TOMM20: variants seen among roughly 807,000 people sequenced by gnomAD.
TOMM20 encodes the protein mitochondrial import receptor subunit TOM20 homolog.
TOMM20 carries 10 observed loss-of-function variants against 22.1 expected under a neutral mutation model. The observed-to-expected ratio is 0.45, with a 90% CI of 0.28 to 0.77. TOMM20 has a LOEUF of 0.77. Among genes scored for constraint, TOMM20 ranks in the 30% least tolerant of loss-of-function variants. TOMM20 has a pLI of 0.13. For synonymous variants in TOMM20, 55 were observed against 61.4 expected (o/e 0.90, Z 0.49); for missense variants, 121 against 172.2 (o/e 0.70, Z 1.66).
At position 235,128,447 on chromosome 1, in the gene TOMM20, G is replaced by A. The variant is rs574736794; in HGVS notation, c.121+148C>T. On this transcript the variant is annotated intron_variant, in intron 1 of 4. Coordinates refer to ENST00000366607, the MANE Select transcript of TOMM20 (RefSeq NM_014765.3). ...CCTACGGGGCACTAGAGCCCCCGGA[G>A]CGGCGCAGCCAGCGCCATCGCCTAT... 1.0e-5 allele frequency: 13 copies of A among 1,261,452 alleles called. No homozygotes were observed. In the East Asian group the frequency reaches 3.1e-4, roughly 30 times the overall value. The allele number at this position is 1,261,452 out of a possible 1,614,324, so 78.1% of individuals were successfully genotyped here.
In TOMM20 at chr1:235,112,046, T is replaced by C; in HGVS notation, c.*18A>G. ...AAAATATTTTTAACTGAGATTTTAT[T>C]ATGTTGACATTTGTTTCTCATTCCA... On this transcript the variant is annotated 3_prime_UTR_variant, in exon 5 of 5. Coordinates refer to ENST00000366607, the MANE Select transcript of TOMM20 (RefSeq NM_014765.3). 6.2e-7 allele frequency: 1 copy of C among 1,603,472 alleles called. No individual in the cohort carries two copies. The highest frequency in any genetic ancestry group is 8.5e-7 in the Non-Finnish European group (1 of 1,174,792).
chr1:235,113,715 C>T (rs1660779967), intron 4 of TOMM20, 53 bp downstream of exon 4: 1 of 1,550,988 alleles, frequency 6.4e-7, no homozygotes, highest in Non-Finnish European at 8.7e-7. Flanking sequence ...TGTCCCTAAT[C>T]ATTCGATTCT....
intron 3 of TOMM20, among the ~76,000 whole-genome samples, chr1:235,116,022 C>G (rs1300885939): frequency 2.6e-4 from 40 of 152,312 alleles, no homozygotes; most frequent in Non-Finnish European, 4.4e-5. Flanking sequence ...GAATAACGAG[C>G]TGTCCTTTGT....
intron 4 of TOMM20, among the ~76,000 whole-genome samples, chr1:235,112,840 G>A (rs1217976689): frequency 6.6e-6 from 1 of 152,126 alleles, no homozygotes; most frequent in Non-Finnish European, 1.5e-5. Context: ...TTCAAATAGC[G>A]TAATATTAAA....
At chr1:235,121,451 A>T (rs1660929706) in intron 2 of TOMM20, among the ~76,000 whole-genome samples, 1 of 152,242 alleles carries the variant, frequency 6.6e-6, no homozygotes, top group South Asian at 2.1e-4. Context: ...CCAAAAGCAT[A>T]ATAAACATAT....
rs1365592865 is a variant in TOMM20, at chr1:235,111,926, C to A, written c.*138G>T. 1 of 738,674 alleles carries A rather than the reference C, an allele frequency of 1.4e-6. No homozygotes were observed. Among genetic ancestry groups the A allele is most frequent in the Non-Finnish European group, 2.3e-6 (1 of 426,442 alleles). The allele number at this position is 738,674 out of a possible 1,614,324, so 45.8% of individuals were successfully genotyped here. Reference sequence around the variant, plus strand: ...AATAAAATAGACAAATGGATCTACACAAAGTAAACATTAACTTTGGTAGAT... The same window carrying A: ...AATAAAATAGACAAATGGATCTACAAAAAGTAAACATTAACTTTGGTAGAT... On this transcript the variant is annotated 3_prime_UTR_variant, in exon 5 of 5. Coordinates refer to ENST00000366607, the MANE Select transcript of TOMM20 (RefSeq NM_014765.3).
chr1:235,117,444 G>A (rs1389516353), intron 3 of TOMM20, among the ~76,000 whole-genome samples: 1 of 149,220 alleles, frequency 6.7e-6, no homozygotes, highest in African/African-American at 2.5e-5. Flanking sequence ...TGCACTCTGG[G>A]TGACAGAGTA....
intron 1 of TOMM20, among the ~76,000 whole-genome samples, chr1:235,125,981 C>A (rs900529763): frequency 1.3e-5 from 2 of 151,472 alleles, no homozygotes; most frequent in African/African-American, 2.4e-5. Flanking sequence ...TGGTCTCGAT[C>A]TCCTGACCTC....
At chr1:235,115,653 A>G (rs1660816089) in intron 3 of TOMM20, among the ~76,000 whole-genome samples, 1 of 152,200 alleles carries the variant, frequency 6.6e-6, no homozygotes, top group Admixed American at 6.5e-5. Context: ...AAATAAAAAA[A>G]TAATAACAAT....
intron 3 of TOMM20, among the ~76,000 whole-genome samples, chr1:235,114,488 G>C (rs375192832): frequency 1.3e-5 from 2 of 148,252 alleles, no homozygotes; most frequent in African/African-American, 5.0e-5. Context: ...CCAGGCTGGA[G>C]TGCAGTGGCA....
Position 235,112,015 on chromosome 1 carries a change from A to G in TOMM20, c.*49T>C, listed in dbSNP as rs1660746130. ...CCCCAGAGCTGCTCAACTACCAAGA[A>G]TTTTTAAAATATTTTTAACTGAGAT... On this transcript the variant is annotated 3_prime_UTR_variant, in exon 5 of 5. Transcript: ENST00000366607. 6.4e-7 allele frequency: 1 copy of G among 1,560,408 alleles called. No individual in the cohort carries two copies. The highest frequency in any genetic ancestry group is 1.8e-5 in the Admixed American group (1 of 56,086).
chr1:235,120,572 T>A (rs1373101163), intron 2 of TOMM20, among the ~76,000 whole-genome samples: 1 of 151,710 alleles, frequency 6.6e-6, no homozygotes, highest in Non-Finnish European at 1.5e-5. Flanking sequence ...GCCTACATTT[T>A]ACATGCATCT....
chr1:235,119,051 A>G (rs1660882119), intron 3 of TOMM20, among the ~76,000 whole-genome samples: 1 of 152,264 alleles, frequency 6.6e-6, no homozygotes, highest in African/African-American at 2.4e-5. Flanking sequence ...ATGTAGTTCA[A>G]TTCTATCTAA....
Position 235,119,811 on chromosome 1 carries a change from C to T in TOMM20, c.250+7G>A. ...ACCCATTTCCTTAGCTTTTCAATGA[C>T]TATTACCTTGAGCTAGTAACTCTTC... On this transcript the variant is annotated splice_region_variant and intron_variant, in intron 3 of 4. Transcript: ENST00000366607. The T allele has an allele frequency of 6.2e-7, 1 of 1,602,476 alleles. No individual in the cohort carries two copies. Among genetic ancestry groups the T allele is most frequent in the Non-Finnish European group, 8.5e-7 (1 of 1,171,068 alleles).
intron 3 of TOMM20, among the ~76,000 whole-genome samples, chr1:235,119,187 A>C (rs1311946399): frequency 6.6e-6 from 1 of 152,236 alleles, no homozygotes; most frequent in Non-Finnish European, 1.5e-5. Context: ...TCAATTTGAT[A>C]ATTTCAATTT....
At position 235,121,908 on chromosome 1, in the gene TOMM20, G is replaced by A. The variant is rs1190409125; in HGVS notation, c.168+418C>T. Among the ~76,000 whole-genome samples the A allele has an allele frequency of 3.9e-5, 6 of 152,246 alleles. No homozygotes were observed. In the East Asian group the frequency reaches 1.2e-3, roughly 29 times the overall value. On this transcript the variant is annotated intron_variant, in intron 2 of 4. Coordinates refer to ENST00000366607, the MANE Select transcript of TOMM20 (RefSeq NM_014765.3). ...GTCAGGGCAGTGGGATTCTGGATCA[G>A]TGGGCTTGAATAATCTTGAATAATT...
At chr1:235,118,403 C>T (rs551863537) in intron 3 of TOMM20, among the ~76,000 whole-genome samples, 31 of 152,360 alleles carry the variant, frequency 2.0e-4, no homozygotes, top group African/African-American at 7.2e-4. Flanking sequence ...AATGCTTTCC[C>T]TTTCCCCAAT....
rs1474715594 is a variant in TOMM20, at chr1:235,109,519, A to G, written c.*2545T>C. ...GTCCACATGTTGATTTAATAAAGTC[A>G]GAATGGCAGGTGGGAGGATGGTAAA... On this transcript the variant is annotated 3_prime_UTR_variant, in exon 5 of 5. Transcript: ENST00000366607. The G allele has an allele frequency of 6.6e-6, 1 of 152,272 alleles. No homozygotes were observed. The highest frequency in any genetic ancestry group is 1.5e-5 in the Non-Finnish European group (1 of 68,052). The allele number at this position is 152,272 out of a possible 1,614,324, so 9.4% of individuals were successfully genotyped here.
intron 4 of TOMM20, 76 bp downstream of exon 4, chr1:235,113,692 G>A (rs1660779697): frequency 3.3e-6 from 5 of 1,497,210 alleles, no homozygotes; most frequent in Non-Finnish European, 4.5e-6. Flanking sequence ...TGTTCACTAG[G>A]CTCATTTTAA....
Sources: allele counts gnomAD v4.1 joint callset (sites outside exome capture counted in the v4.1 genomes callset), GRCh38; gene constraint gnomAD v4.1.1; transcripts MANE v1.5; gene names NCBI Gene and HGNC (gene_info 2026-07-23, HGNC 2026-07-21).